KCNJ6: variants seen among roughly 807,000 people sequenced by gnomAD.
KCNJ6 encodes the protein potassium inwardly rectifying channel subfamily J member 6, also known as G protein-activated inward rectifier potassium channel 2.
A neutral mutation model predicts 34.2 loss-of-function variants in KCNJ6; 9 were observed. The observed-to-expected ratio is 0.26, with a 90% confidence interval of 0.16 to 0.46. The LOEUF is 0.46. KCNJ6 is among the 20% of genes least tolerant of loss of function. The probability of loss-of-function intolerance (pLI) is 1.00; values close to 1 mark genes in which losing one functional copy is unlikely to be tolerated. For synonymous variants in KCNJ6, 196 were observed against 207.1 expected (o/e 0.95, Z 0.46); for missense variants, 236 against 531.3 (o/e 0.44, Z 5.46).
At chr21:37,626,130 C>CTTTTTTTTTTTTTTTTTTTTT (rs10649366) in intron 3 of KCNJ6, among the ~76,000 whole-genome samples, 1 of 143,040 alleles carries the variant, frequency 7.0e-6, no homozygotes. Flanking sequence ...TTTCCCCCTT[C>CTTTTTTTTTTTTTTTTTTTTT]TTTTTTTTTT....
rs188361608 is a variant in KCNJ6 at position 37,641,765 on chromosome 21, C to T, written c.947-16281G>A. Among the ~76,000 whole-genome samples the T allele has an allele frequency of 1.5e-4, 23 of 152,120 alleles. No homozygotes were observed. The East Asian group carries it at 4.1e-3, about 27-fold the overall frequency. On this transcript the variant is annotated intron_variant, in intron 3 of 3. Coordinates refer to ENST00000609713, the MANE Select transcript of KCNJ6 (RefSeq NM_002240.5). ...ACTGCTCTGACTGCAGAGGAGAAAA[C>T]GACTTGGAGGAGGACAAAGTAAGCA... is the stretch of plus-strand genomic sequence containing the variant.
rs181995467 is a variant in KCNJ6 at position 37,677,435 on chromosome 21, A to G, written c.946+36776T>C. ...ATAGCCCTGCTTTGCCAGGAGTACC[A>G]AATCCTTGGGTTTGCAGAAATACTA... On this transcript the variant is annotated intron_variant, in intron 3 of 3. Coordinates refer to ENST00000609713, the MANE Select transcript of KCNJ6 (RefSeq NM_002240.5). Among the ~76,000 whole-genome samples the G allele has an allele frequency of 3.7e-3, 566 of 152,250 alleles. 3 individuals are homozygous for G. Among genetic ancestry groups the G allele is most frequent in the Non-Finnish European group, 5.0e-3 (339 of 68,004 alleles).
At chr21:37,726,378 G>A (rs1193838100) in intron 2 of KCNJ6, among the ~76,000 whole-genome samples, 3 of 152,120 alleles carry the variant, frequency 2.0e-5, no homozygotes, top group African/African-American at 7.2e-5. Context: ...AGGAGTGTAG[G>A]GATCTCTTTC....
At chr21:37,732,606 G>A (rs964156638) in intron 2 of KCNJ6, among the ~76,000 whole-genome samples, 1 of 152,150 alleles carries the variant, frequency 6.6e-6, no homozygotes, top group African/African-American at 2.4e-5. Context: ...AGACCGATTT[G>A]GATTTGCTTT....
At chr21:37,654,415 A>T (rs1158249447) in intron 3 of KCNJ6, among the ~76,000 whole-genome samples, 2 of 45,534 alleles carry the variant, frequency 4.4e-5, no homozygotes, top group African/African-American at 1.2e-4. Context: ...GACATTTGGT[A>T]AAAAAAAAAA....
chr21:37,677,308 C>T (rs915109290), intron 3 of KCNJ6, among the ~76,000 whole-genome samples: 1 of 152,202 alleles, frequency 6.6e-6, no homozygotes, highest in East Asian at 1.9e-4. Context: ...CTGCTCTGAT[C>T]CTGCCACATA....
chr21:37,699,080 A>G (rs180866745), intron 3 of KCNJ6, among the ~76,000 whole-genome samples: 25 of 152,358 alleles, frequency 1.6e-4, no homozygotes, highest in Admixed American at 1.4e-3. Flanking sequence ...ATATGTGTCC[A>G]TAAACACAAT....
At chr21:37,813,237 T>C (rs1190244613) in intron 2 of KCNJ6, among the ~76,000 whole-genome samples, 1 of 152,084 alleles carries the variant, frequency 6.6e-6, no homozygotes, top group Non-Finnish European at 1.5e-5. Context: ...CTATAAAACA[T>C]TGATGAAAGA....
intron 2 of KCNJ6, among the ~76,000 whole-genome samples, chr21:37,805,487 T>C (rs561778184): frequency 3.0e-4 from 46 of 151,932 alleles, no homozygotes; most frequent in African/African-American, 1.0e-3. Context: ...GGGACAAGGG[T>C]CTCTTGCTAC....
In KCNJ6 at chr21:37,675,616, A is replaced by G. The variant is rs1427646412; in HGVS notation, c.946+38595T>C. Reference sequence around the variant, plus strand: ...GCCCTGAGCGGAATTCTCCGGCCCCAGGAGAGGCCGTGTGGCCATAAAAGG... The same window carrying G: ...GCCCTGAGCGGAATTCTCCGGCCCCGGGAGAGGCCGTGTGGCCATAAAAGG... On this transcript the variant is annotated intron_variant, in intron 3 of 3. Coordinates refer to ENST00000609713, the MANE Select transcript of KCNJ6 (RefSeq NM_002240.5). The surrounding 1 kb of genome is among the most constrained non-coding windows in gnomAD (Gnocchi z 4.2). Among the ~76,000 whole-genome samples the G allele has an allele frequency of 6.6e-6, 1 of 152,222 alleles. No individual in the cohort carries two copies. The highest frequency in any genetic ancestry group is 1.5e-5 in the Non-Finnish European group (1 of 68,036).
At position 37,619,861 on chromosome 21, in the gene KCNJ6, G is replaced by A. The variant is rs2054284833; in HGVS notation, c.*5298C>T. 1 of 152,138 alleles carries A rather than the reference G, an allele frequency of 6.6e-6. No homozygotes were observed. Among genetic ancestry groups the A allele is most frequent in the African/African-American group, 2.4e-5 (1 of 41,426 alleles). The allele number at this position is 152,138 out of a possible 1,614,324, so 9.4% of individuals were successfully genotyped here. On this transcript the variant is annotated 3_prime_UTR_variant, in exon 4 of 4. Transcript: ENST00000609713. The stretch of plus-strand genomic sequence containing the variant: ...GCCCATTTCTCTGTAGTTCATTAAG[G>A]AGTAATTTTACTGTATCCACTTTCT...
chr21:37,897,149 C>T (rs933127), intron 1 of KCNJ6, among the ~76,000 whole-genome samples: 28,270 of 152,194 alleles, frequency 0.19, 2,896 homozygotes, highest in East Asian at 0.32. Context: ...ACTGGGTTCT[C>T]TCCATTCTAC....
chr21:37,717,077 G>T (rs2054795749), intron 2 of KCNJ6: 1 of 153,366 alleles, frequency 6.5e-6, no homozygotes, highest in Non-Finnish European at 1.5e-5. Flanking sequence ...TGGATGATCA[G>T]TTGCCTTAAA....
At chr21:37,728,680 ATG>A (rs372768229) in intron 2 of KCNJ6, among the ~76,000 whole-genome samples, 56 of 144,180 alleles carry the variant, frequency 3.9e-4, no homozygotes, top group Non-Finnish European at 3.6e-4. Flanking sequence ...CTGGGTAGGT[ATG>A]TGTGTGTGTG....
At chr21:37,672,328 G>A (rs1235965022) in intron 3 of KCNJ6, among the ~76,000 whole-genome samples, 2 of 151,888 alleles carry the variant, frequency 1.3e-5, no homozygotes, top group Non-Finnish European at 2.9e-5. Flanking sequence ...GTGAGAAGTT[G>A]GGGCCTGAAA....
At chr21:37,914,462 G>A (rs911897209) in intron 1 of KCNJ6, among the ~76,000 whole-genome samples, 6 of 152,164 alleles carry the variant, frequency 3.9e-5, no homozygotes, top group Admixed American at 3.9e-4. Context: ...CCAGCTCTGG[G>A]CGCCCTCTCG....
chr21:37,903,867 C>T (rs181675429), intron 1 of KCNJ6, among the ~76,000 whole-genome samples: 1 of 152,288 alleles, frequency 6.6e-6, no homozygotes, highest in Non-Finnish European at 1.5e-5. Context: ...TTCACCAGGA[C>T]ACCCAGGGTC....
At chr21:37,867,004 T>C (rs1337519991) in intron 1 of KCNJ6, among the ~76,000 whole-genome samples, 1 of 152,230 alleles carries the variant, frequency 6.6e-6, no homozygotes, top group Admixed American at 6.5e-5. Context: ...ACATGATTAT[T>C]GTGTATAGAC....
At chr21:37,842,565 C>G (rs1345186484) in intron 1 of KCNJ6, among the ~76,000 whole-genome samples, 1 of 152,218 alleles carries the variant, frequency 6.6e-6, no homozygotes, top group Non-Finnish European at 1.5e-5. Flanking sequence ...ACAGAAGGAG[C>G]TAAGGAGCTG....
Sources: allele counts gnomAD v4.1 joint callset (sites outside exome capture counted in the v4.1 genomes callset), GRCh38; gene constraint gnomAD v4.1.1; non-coding constraint Gnocchi (gnomAD v3.1); transcripts MANE v1.5; gene names NCBI Gene and HGNC (gene_info 2026-07-23, HGNC 2026-07-21).